Variants in UCK2 observed in about 807,000 individuals in gnomAD.
UCK2 encodes the protein cytidine monophosphokinase 2.
Under a neutral mutation model 30.8 loss-of-function variants are expected in UCK2, and 6 were observed. The ratio of observed to expected loss-of-function variants is 0.19; its 90% confidence interval spans 0.11 to 0.38. The LOEUF is 0.38. Ranked by LOEUF, UCK2 falls within the 10% of genes least tolerant of loss-of-function variation. The pLI is 1.00. For missense variants in UCK2, 210 were observed against 339.8 expected, an observed-to-expected ratio of 0.62 and a Z score of 3.00; for synonymous variants, 125 against 133.6, an observed-to-expected ratio of 0.94 and a Z score of 0.45.
intron 3 of UCK2, chr1:165,892,687 G>C (rs1655801858): frequency 6.6e-6 from 1 of 152,272 alleles, no homozygotes; most frequent in Admixed American, 6.5e-5. Context: ...CACTTCCCAA[G>C]TAAAGAATTA....
intron 1 of UCK2, among the ~76,000 whole-genome samples, chr1:165,858,398 C>T (rs935931183): frequency 1.3e-5 from 2 of 152,176 alleles, no homozygotes; most frequent in East Asian, 1.9e-4. Context: ...GGGTGTCCTG[C>T]AGAATGGCTG....
intron 1 of UCK2, among the ~76,000 whole-genome samples, chr1:165,881,483 A>T (rs1324974091): frequency 1.3e-5 from 2 of 152,170 alleles, no homozygotes; most frequent in African/African-American, 4.8e-5. Flanking sequence ...AAGAGCATGC[A>T]TCTTGAAGCC....
At chr1:165,839,533 AAGGT>A (rs1654274275) in intron 1 of UCK2, among the ~76,000 whole-genome samples, 1 of 152,002 alleles carries the variant, frequency 6.6e-6, no homozygotes, top group South Asian at 2.1e-4. Flanking sequence ...GGTGGAGTTT[AAGGT>A]GTTTTTTTGG....
chr1:165,861,637 A>C (rs1654904026), intron 1 of UCK2, among the ~76,000 whole-genome samples: 1 of 135,750 alleles, frequency 7.4e-6, no homozygotes, highest in Non-Finnish European at 1.6e-5. Context: ...CAAAAAAAAA[A>C]AAAAAAAAAA....
At chr1:165,863,940 C>T (rs1295309731) in intron 1 of UCK2, among the ~76,000 whole-genome samples, 1 of 152,128 alleles carries the variant, frequency 6.6e-6, no homozygotes, top group Non-Finnish European at 1.5e-5. Context: ...TATAAAAAGT[C>T]ATGTAGTTTT....
chr1:165,844,966 A>G (rs1430014053), intron 1 of UCK2, among the ~76,000 whole-genome samples: 3 of 152,188 alleles, frequency 2.0e-5, no homozygotes, highest in Non-Finnish European at 2.9e-5. Flanking sequence ...ATGGGTAAAC[A>G]TAAGTAAGTG....
intron 1 of UCK2, among the ~76,000 whole-genome samples, chr1:165,875,327 G>T (rs1655307458): frequency 6.6e-6 from 1 of 152,114 alleles, no homozygotes; most frequent in Non-Finnish European, 1.5e-5. Flanking sequence ...TGCCCAGCCT[G>T]ACTTTAAAGG....
chr1:165,865,109 C>T (rs911670211), intron 1 of UCK2, among the ~76,000 whole-genome samples: 2 of 152,220 alleles, frequency 1.3e-5, no homozygotes, highest in African/African-American at 4.8e-5. Context: ...GTACACATCA[C>T]ATCATATGTG....
intron 6 of UCK2, among the ~76,000 whole-genome samples, chr1:165,906,921 C>G (rs1647684030): frequency 6.6e-6 from 1 of 152,234 alleles, no homozygotes. Context: ...TCATTAAATT[C>G]AAGACATTTA....
At chr1:165,884,377 C>A (rs1176825834) in intron 1 of UCK2, among the ~76,000 whole-genome samples, 1 of 152,240 alleles carries the variant, frequency 6.6e-6, no homozygotes. Context: ...CGGAGTGTTA[C>A]AACAGACATC....
intron 6 of UCK2, among the ~76,000 whole-genome samples, chr1:165,906,934 A>T (rs1436307912): frequency 6.6e-6 from 1 of 152,226 alleles, no homozygotes; most frequent in African/African-American, 2.4e-5. Context: ...GACATTTACC[A>T]TTGATATGAC....
chr1:165,843,776 A>G (rs1654383621), intron 1 of UCK2, among the ~76,000 whole-genome samples: 1 of 152,168 alleles, frequency 6.6e-6, no homozygotes, highest in Non-Finnish European at 1.5e-5. Context: ...ATACTTTGCC[A>G]CTTTTTATTC....
chr1:165,836,073 C>T (rs1654180877), intron 1 of UCK2, among the ~76,000 whole-genome samples: 1 of 152,038 alleles, frequency 6.6e-6, no homozygotes, highest in Non-Finnish European at 1.5e-5. Context: ...TACTAAAATA[C>T]AAAAATTAGC....
At chr1:165,841,874 C>G (rs1219549847) in intron 1 of UCK2, among the ~76,000 whole-genome samples, 1 of 152,172 alleles carries the variant, frequency 6.6e-6, no homozygotes. Flanking sequence ...TCAGTTATCC[C>G]TCTTGTGTCC....
At chr1:165,829,728 A>G (rs973065867) in intron 1 of UCK2, among the ~76,000 whole-genome samples, 3 of 152,192 alleles carry the variant, frequency 2.0e-5, no homozygotes, top group African/African-American at 7.2e-5. Context: ...GAGGGATGGG[A>G]TAGTGGTGAG....
chr1:165,878,156 A>T (rs1655386916), intron 1 of UCK2, among the ~76,000 whole-genome samples: 1 of 151,762 alleles, frequency 6.6e-6, no homozygotes, highest in Non-Finnish European at 1.5e-5. Flanking sequence ...CTTTCCCCTA[A>T]CCCCTGGCAA....
chr1:165,843,544 A>C (rs1460788490), intron 1 of UCK2, among the ~76,000 whole-genome samples: 1 of 152,150 alleles, frequency 6.6e-6, no homozygotes, highest in African/African-American at 2.4e-5. Context: ...TTGGGAGGTC[A>C]AGGCAGGAGG....
At chr1:165,883,791 C>A (rs1029640117) in intron 1 of UCK2, among the ~76,000 whole-genome samples, 16 of 152,132 alleles carry the variant, frequency 1.1e-4, no homozygotes, top group African/African-American at 3.9e-4. Flanking sequence ...CACAATAAAT[C>A]TTGCTGCTGA....
At chr1:165,902,947 T>C (rs1647531003) in intron 4 of UCK2, 1 of 346,598 alleles carries the variant, frequency 2.9e-6, no homozygotes, top group African/African-American at 2.1e-5. Context: ...GGACAGCCTT[T>C]TGTTTCAAAG....
Sources: allele counts gnomAD v4.1 joint callset (sites outside exome capture counted in the v4.1 genomes callset), GRCh38; gene constraint gnomAD v4.1.1; transcripts MANE v1.5; gene names NCBI Gene and HGNC (gene_info 2026-07-23, HGNC 2026-07-21).